Variants in EDEM2 observed in about 807,000 individuals in gnomAD.
EDEM2 encodes ER degradation enhancing alpha-mannosidase like protein 2, also known as ER degradation-enhancing alpha-mannosidase-like protein 2.
Under a neutral mutation model 64.8 loss-of-function variants are expected in EDEM2, and 39 were observed. That is an observed-to-expected ratio of 0.60 (90% CI 0.47 to 0.79). The LOEUF (loss-of-function observed/expected upper bound fraction) is 0.79. Among genes scored for constraint, EDEM2 ranks in the 30% least tolerant of loss-of-function variants. The pLI is 0.00. For synonymous variants in EDEM2, 296 were observed against 291.5 expected (o/e 1.02, Z -0.16); for missense variants, 609 against 731.3 (o/e 0.83, Z 1.93).
chr20:35,123,967 A>C lies in EDEM2; in HGVS notation c.1037T>G (p.Phe346Cys). 1 of 1,614,130 alleles carries C rather than the reference A, an allele frequency of 6.2e-7. No individual in the cohort carries two copies. Among genetic ancestry groups the C allele is most frequent in the South Asian group, 1.1e-5 (1 of 91,076 alleles). ...FLNYYTVWKQ[F>C]GGLPEFYNIP... Reference sequence around the variant, plus strand: ...GTTGTAGAATTCCGGGAGCCCCCCAAACTGCTTCCATACAGTGTAGTAGTT... The same window carrying C: ...GTTGTAGAATTCCGGGAGCCCCCCACACTGCTTCCATACAGTGTAGTAGTT... The change falls in exon 9 of 11, where the codon TTT becomes TGT. Residue 346 changes from phenylalanine (F) to cysteine (C), a missense_variant. Physicochemically the swap from Phe to Cys is radical, Grantham distance 205. Coordinates refer to ENST00000374492, the MANE Select transcript of EDEM2 (RefSeq NM_018217.3).
Position 35,147,172 on chromosome 20 carries a change from C to T in EDEM2, c.87G>A (p.Ala29=). 2 of 1,602,154 alleles carry T rather than the reference C, an allele frequency of 1.2e-6. No homozygotes were observed. Among genetic ancestry groups the T allele is most frequent in the Non-Finnish European group, 1.7e-6 (2 of 1,173,164 alleles). ...TTCACCTGTAGTGGGCGGGATCTGGCGCGGAGCCGTCGGGACCTGGCGCAC... is the reference window on the plus strand; with the variant it reads ...TTCACCTGTAGTGGGCGGGATCTGGTGCGGAGCCGTCGGGACCTGGCGCAC... ...HHGAPGPDGS[A]PDPAHYRERV... is the part of the protein sequence containing the mutation. Residue 29 remains alanine, a synonymous_variant, in exon 1 of 11, where the codon GCG becomes GCA. Transcript: ENST00000374492.
At position 35,147,200 on chromosome 20, in the gene EDEM2, T is replaced by C. The variant is rs138909529; in HGVS notation, c.59A>G (p.His20Arg). The change falls in exon 1 of 11, where the codon CAT becomes CGT. Residue 20 changes from histidine to arginine, a missense_variant. Physicochemically the swap from His to Arg is conservative, Grantham distance 29. Coordinates refer to ENST00000374492, the MANE Select transcript of EDEM2 (RefSeq NM_018217.3). ...GGAGCCGTCGGGACCTGGCGCACCA[T>C]GGTGCTGAGGCAGCAGCGCGCACAG... ...GLLCALLPQH[H>R]GAPGPDGSAP... 1.0e-5 allele frequency: 16 copies of C among 1,604,044 alleles called. No homozygotes were observed. In the African/African-American group the frequency reaches 1.7e-4, roughly 17 times the overall value.
chr20:35,142,708 G>A (rs1013220194), intron 3 of EDEM2, among the ~76,000 whole-genome samples: 7 of 152,166 alleles, frequency 4.6e-5, no homozygotes, highest in African/African-American at 1.7e-4. Flanking sequence ...GAGTCACGAT[G>A]TTGTCATTTA....
At position 35,115,586 on chromosome 20, in the gene EDEM2, T is replaced by C; in HGVS notation, c.1584A>G (p.Pro528=). The change falls in exon 11 of 11, where the codon CCA becomes CCG. Residue 528 remains proline (P), a synonymous_variant. Transcript: ENST00000374492. Reference sequence around the variant, plus strand: ...GTGAGAAGAGTGTTCCTGGCCTTGCTGGAGGTTCCCATGGCCCCGAACTAA... The same window carrying C: ...GTGAGAAGAGTGTTCCTGGCCTTGCCGGAGGTTCCCATGGCCCCGAACTAA... The part of the protein sequence containing the change: ...NTVSSGPWEP[P]ARPGTLFSPE... 6.2e-7 allele frequency: 1 copy of C among 1,613,800 alleles called. No individual in the cohort carries two copies. The highest frequency in any genetic ancestry group is 2.2e-5 in the East Asian group (1 of 44,868).
At chr20:35,141,481 G>T (rs531872838) in intron 4 of EDEM2, among the ~76,000 whole-genome samples, 5 of 152,282 alleles carry the variant, frequency 3.3e-5, no homozygotes, top group Admixed American at 3.3e-4. Context: ...ACTCAGGCCG[G>T]ATTCCTAAAC....
chr20:35,147,296 A>AGCC lies in EDEM2; in HGVS notation c.-41_-39dup. The AGCC allele has an allele frequency of 6.8e-7, 1 of 1,467,864 alleles. No individual in the cohort carries two copies. The highest frequency in any genetic ancestry group is 9.0e-7 in the Non-Finnish European group (1 of 1,105,642). The allele number at this position is 1,467,864 out of a possible 1,614,324, so 90.9% of individuals were successfully genotyped here. ...CTCTCAGCGCCCCCGCAGCAGCAGC[A>AGCC]GCCACTGCAACCAGTTCATCCTGGG... On this transcript the variant is annotated 5_prime_UTR_variant, in exon 1 of 11. Coordinates refer to ENST00000374492, the MANE Select transcript of EDEM2 (RefSeq NM_018217.3).
chr20:35,134,359 T>C (rs953715475), intron 6 of EDEM2, among the ~76,000 whole-genome samples: 1 of 152,140 alleles, frequency 6.6e-6, no homozygotes, highest in Non-Finnish European at 1.5e-5. Context: ...ACTCAGTATC[T>C]CTCAGAACCG....
chr20:35,147,109 C>T, intron 1 of EDEM2, 43 bp downstream of exon 1: 1 of 1,582,980 alleles, frequency 6.3e-7, no homozygotes, highest in South Asian at 1.2e-5. Context: ...ACCGGGTTCA[C>T]GCTTCCCATT....
At chr20:35,131,587 T>TCA in intron 7 of EDEM2, 55 bp downstream of exon 7, 1 of 1,592,418 alleles carries the variant, frequency 6.3e-7, no homozygotes, top group East Asian at 2.2e-5. Context: ...TTTAAACAAA[T>TCA]CACACATCAG....
At chr20:35,135,172 T>G (rs1470054368) in intron 5 of EDEM2, among the ~76,000 whole-genome samples, 1 of 152,160 alleles carries the variant, frequency 6.6e-6, no homozygotes, top group Non-Finnish European at 1.5e-5. Context: ...GGGTTCCTGC[T>G]CATCATGAGG....
At chr20:35,135,705 G>A (rs1167152085) in intron 5 of EDEM2, among the ~76,000 whole-genome samples, 1 of 152,140 alleles carries the variant, frequency 6.6e-6, no homozygotes, top group Non-Finnish European at 1.5e-5. Context: ...AAAGATCTCT[G>A]CTTTAAATAA....
intron 8 of EDEM2, among the ~76,000 whole-genome samples, chr20:35,125,192 C>T (rs1424642107): frequency 5.1e-5 from 7 of 136,898 alleles, no homozygotes; most frequent in East Asian, 2.2e-4. Flanking sequence ...GATAGAAACC[C>T]GGTGGCCACT....
At chr20:35,143,991 C>T (rs1410300051) in intron 3 of EDEM2, among the ~76,000 whole-genome samples, 1 of 152,152 alleles carries the variant, frequency 6.6e-6, no homozygotes, top group Non-Finnish European at 1.5e-5. Flanking sequence ...TCACTGCAAC[C>T]TCTGCCTCCC....
In EDEM2 at chr20:35,147,311, T is replaced by G; in HGVS notation, c.-53A>C. ...CAGCAGCAGCAGCCACTGCAACCAG[T>G]TCATCCTGGGAGCTGCTGCGGGTTC... is the stretch of plus-strand genomic sequence containing the variant. On this transcript the variant is annotated 5_prime_UTR_variant, in exon 1 of 11. Coordinates refer to ENST00000374492, the MANE Select transcript of EDEM2 (RefSeq NM_018217.3). The G allele has an allele frequency of 7.0e-7, 1 of 1,434,076 alleles. No homozygotes were observed. The highest frequency in any genetic ancestry group is 9.2e-7 in the Non-Finnish European group (1 of 1,089,176). The allele number at this position is 1,434,076 out of a possible 1,614,324, so 88.8% of individuals were successfully genotyped here.
At chr20:35,135,510 G>A (rs939181235) in intron 5 of EDEM2, among the ~76,000 whole-genome samples, 2 of 152,236 alleles carry the variant, frequency 1.3e-5, no homozygotes, top group Non-Finnish European at 2.9e-5. Flanking sequence ...AATTAGGCAA[G>A]CGTGGTGGTG....
intron 7 of EDEM2, among the ~76,000 whole-genome samples, chr20:35,130,834 A>T (rs1391639782): frequency 6.6e-6 from 1 of 152,210 alleles, no homozygotes; most frequent in Non-Finnish European, 1.5e-5. Flanking sequence ...GGCGGGTAAG[A>T]TGTATTTATT....
rs1222246587 is a variant in EDEM2 at position 35,147,270 on chromosome 20, C to A, written c.-12G>T. ...AGCCGGAAAGGCATAGAGCTCGTGTCCTCTCAGCGCCCCCGCAGCAGCAGC... is the reference window on the plus strand; with the variant it reads ...AGCCGGAAAGGCATAGAGCTCGTGTACTCTCAGCGCCCCCGCAGCAGCAGC... On this transcript the variant is annotated 5_prime_UTR_variant, in exon 1 of 11. Transcript: ENST00000374492. 2 of 1,517,088 alleles carry A rather than the reference C, an allele frequency of 1.3e-6. No homozygotes were observed. Among genetic ancestry groups the A allele is most frequent in the Non-Finnish European group, 1.8e-6 (2 of 1,129,388 alleles). 94.0% of individuals were successfully genotyped at this position (1,517,088 alleles called of 1,614,324 possible).
At chr20:35,128,750 A>T (rs2085469491) in intron 7 of EDEM2, among the ~76,000 whole-genome samples, 1 of 150,380 alleles carries the variant, frequency 6.6e-6, no homozygotes, top group Non-Finnish European at 1.5e-5. Context: ...GGCCTAGGCT[A>T]ATGTGTGTTT....
chr20:35,128,252 G>A (rs554205608), intron 7 of EDEM2, among the ~76,000 whole-genome samples: 26 of 151,816 alleles, frequency 1.7e-4, no homozygotes, highest in Admixed American at 4.6e-4. Context: ...GTGTGGTGGC[G>A]GGCGCCTGTA....
Sources: gnomAD v4.1 joint callset for allele counts (sites outside exome capture counted in the v4.1 genomes callset) on GRCh38, gnomAD v4.1.1 for gene constraint, MANE v1.5 for transcripts, NCBI Gene and HGNC (gene_info 2026-07-23, HGNC 2026-07-21) for gene names.